RXRA: variants seen among roughly 807,000 people sequenced by gnomAD.
RXRA encodes retinoid X receptor alpha, also known as retinoic acid receptor RXR-alpha.
RXRA carries 5 observed loss-of-function variants against 44.5 expected under a neutral mutation model. The ratio of observed to expected loss-of-function variants is 0.11; its 90% CI spans 0.06 to 0.24. The LOEUF is 0.24. Among genes scored for constraint, RXRA ranks in the 10% least tolerant of loss-of-function variants. RXRA has a pLI of 1.00. For synonymous variants in RXRA, 291 were observed against 271.4 expected, an observed-to-expected ratio of 1.07 and a Z score of -0.71; for missense variants, 412 against 646.5, an observed-to-expected ratio of 0.64 and a Z score of 3.93.
At chr9:134,378,991 C>A (rs1830599351) in intron 1 of RXRA, among the ~76,000 whole-genome samples, 1 of 152,210 alleles carries the variant, frequency 6.6e-6, no homozygotes, top group African/African-American at 2.4e-5. Context: ...CTCTTGCCTT[C>A]CCTCCTTGAG....
At chr9:134,423,634 G>C in intron 6 of RXRA, 2 of 985,492 alleles carry the variant, frequency 2.0e-6, no homozygotes, top group Non-Finnish European at 1.2e-6. Flanking sequence ...CGCTGGCCTC[G>C]TGTCTGGTGG....
intron 1 of RXRA, among the ~76,000 whole-genome samples, chr9:134,363,392 C>T (rs1472024058): frequency 6.6e-6 from 1 of 152,226 alleles, no homozygotes; most frequent in Non-Finnish European, 1.5e-5. Flanking sequence ...GGAAGGCATC[C>T]GTTTAGGGAG....
chr9:134,395,818 G>A (rs562119083), intron 1 of RXRA, among the ~76,000 whole-genome samples: 1 of 152,394 alleles, frequency 6.6e-6, no homozygotes, highest in Admixed American at 6.5e-5. Flanking sequence ...CCTGTCCTCA[G>A]ATGGGGCTGA....
intron 1 of RXRA, among the ~76,000 whole-genome samples, chr9:134,398,459 C>T (rs1050282831): frequency 7.2e-5 from 11 of 152,126 alleles, no homozygotes; most frequent in African/African-American, 2.7e-4. Context: ...CAAAAAGCAT[C>T]TCTCTCTAGA....
At chr9:134,381,087 C>T (rs117175060) in intron 1 of RXRA, among the ~76,000 whole-genome samples, 2,961 of 152,290 alleles carry the variant, frequency 0.019, 50 homozygotes, top group Admixed American at 0.046. Flanking sequence ...CTTCTCTGAG[C>T]CCCAGTTGCT....
intron 1 of RXRA, among the ~76,000 whole-genome samples, chr9:134,372,654 C>T (rs905206600): frequency 6.6e-6 from 1 of 152,188 alleles, no homozygotes; most frequent in Non-Finnish European, 1.5e-5. Context: ...GGCCCACTGA[C>T]CCGCCTTGGG....
intron 1 of RXRA, among the ~76,000 whole-genome samples, chr9:134,380,668 C>T (rs1039377850): frequency 5.9e-5 from 9 of 152,198 alleles, no homozygotes; most frequent in Middle Eastern, 3.4e-3. Context: ...TGCTGCCCCA[C>T]GACACCTGGC....
chr9:134,328,992 C>T (rs936164933), intron 1 of RXRA, among the ~76,000 whole-genome samples: 1 of 152,254 alleles, frequency 6.6e-6, no homozygotes, highest in African/African-American at 2.4e-5. Flanking sequence ...GCTTCCTGGC[C>T]CTGCTGCCCG....
At chr9:134,376,552 G>T (rs1024179283) in intron 1 of RXRA, among the ~76,000 whole-genome samples, 2 of 13,236 alleles carry the variant, frequency 1.5e-4, no homozygotes, top group African/African-American at 3.9e-4. Flanking sequence ...CAGCTGCGTG[G>T]CCTCGGCCAG....
At chr9:134,373,514 C>G (rs1230241650) in intron 1 of RXRA, among the ~76,000 whole-genome samples, 1 of 152,258 alleles carries the variant, frequency 6.6e-6, no homozygotes, top group Non-Finnish European at 1.5e-5. Flanking sequence ...TCCTTGGCCA[C>G]GAGGTGGTGT....
chr9:134,431,741 G>A (rs907837612), intron 7 of RXRA, among the ~76,000 whole-genome samples, 164 bp from the exon 8 acceptor site: 3 of 146,712 alleles, frequency 2.0e-5, no homozygotes, highest in Non-Finnish European at 4.4e-5. Context: ...CTGGGTTCCA[G>A]CCCACTCCCT....
rs2119199228 is a variant in RXRA at position 134,426,985 on chromosome 9, G to A, written c.911-2123G>A. ...GCCTCTCAGCCTGGGAAAACCTGAC[G>A]GGCTGAGCCGTAGGAGGGGCAGGAG... On this transcript the variant is annotated intron_variant, in intron 6 of 9. Coordinates refer to ENST00000481739, the MANE Select transcript of RXRA (RefSeq NM_002957.6). This position sits in a 1 kb window ranked among gnomAD's most constrained non-coding sequence, Gnocchi z 4.6. 6.1e-6 allele frequency: 6 copies of A among 985,248 alleles called. No individual in the cohort carries two copies. The highest frequency in any genetic ancestry group is 1.1e-4 in the East Asian group (1 of 8,794). 61.0% of individuals were successfully genotyped at this position (985,248 alleles called of 1,614,324 possible). A position where few individuals can be genotyped will look rare whatever the true frequency, so the allele number is the denominator to read the frequency against.
intron 6 of RXRA, chr9:134,422,911 A>G: frequency 1.0e-6 from 1 of 984,964 alleles, no homozygotes; most frequent in Non-Finnish European, 1.2e-6. Context: ...TTCTCCTCCC[A>G]CTCCAAGGCC....
intron 1 of RXRA, among the ~76,000 whole-genome samples, chr9:134,354,263 G>A (rs905013240): frequency 6.6e-6 from 1 of 152,226 alleles, no homozygotes; most frequent in Non-Finnish European, 1.5e-5. Context: ...GGTCTCTGCG[G>A]CTAATCTAAT....
At chr9:134,326,869 A>AGCGG (rs1431047939) in intron 1 of RXRA, among the ~76,000 whole-genome samples, 2 of 95,616 alleles carry the variant, frequency 2.1e-5, no homozygotes, top group African/African-American at 4.0e-5. Context: ...GGGGCTGGGC[A>AGCGG]GCGGGCGGGC....
In RXRA at chr9:134,365,482, G is replaced by A. The variant is rs1017691363; in HGVS notation, c.29-36150G>A. On this transcript the variant is annotated intron_variant, in intron 1 of 9. Transcript: ENST00000481739. This position sits in a 1 kb window ranked among gnomAD's most constrained non-coding sequence, Gnocchi z 4.0. Reference sequence around the variant, plus strand: ...GATGTGTGGGTTTGCTCATGGGGTGGACCAGGCCGCTGCCCCTGCCTCCTG... The same window carrying A: ...GATGTGTGGGTTTGCTCATGGGGTGAACCAGGCCGCTGCCCCTGCCTCCTG... Among the ~76,000 whole-genome samples the A allele has an allele frequency of 2.6e-5, 4 of 152,164 alleles. No homozygotes were observed. Among genetic ancestry groups the A allele is most frequent in the African/African-American group, 9.7e-5 (4 of 41,432 alleles).
intron 4 of RXRA, among the ~76,000 whole-genome samples, chr9:134,410,346 T>G (rs2119162603): frequency 6.6e-6 from 1 of 152,338 alleles, no homozygotes; most frequent in Non-Finnish European, 1.5e-5. Context: ...CCCTGTGCTG[T>G]GCAGGTTGGG....
intron 5 of RXRA, among the ~76,000 whole-genome samples, chr9:134,418,143 G>A (rs73556292): frequency 0.013 from 2,043 of 152,270 alleles, 38 homozygotes; most frequent in African/African-American, 0.045. Context: ...AGGAACCTGT[G>A]CTGCTCGGGA....
chr9:134,386,541 C>T (rs1830723214), intron 1 of RXRA, among the ~76,000 whole-genome samples: 1 of 152,164 alleles, frequency 6.6e-6, no homozygotes, highest in Non-Finnish European at 1.5e-5. Context: ...GGTATGGGGG[C>T]CAGGTCTGGG....
Sources: gnomAD v4.1 joint callset for allele counts (sites outside exome capture counted in the v4.1 genomes callset) on GRCh38, gnomAD v4.1.1 for gene constraint, Gnocchi (gnomAD v3.1) non-coding constraint, MANE v1.5 for transcripts, NCBI Gene and HGNC (gene_info 2026-07-23, HGNC 2026-07-21) for gene names.